MOK: variants seen among roughly 807,000 people sequenced by gnomAD.
The protein encoded by MOK is MAPK/MAK/MRK overlapping kinase.
Under a neutral mutation model 54.2 loss-of-function variants are expected in MOK, and 59 were observed. The observed-to-expected ratio is 1.09, with a 90% CI of 0.88 to 1.35. MOK has a LOEUF of 1.35. Ranked by LOEUF, MOK falls within the 40% of genes most tolerant of loss-of-function variation. The pLI, the probability that MOK is intolerant of heterozygous loss-of-function variation, is 0.00. For synonymous variants in MOK, 210 were observed against 202.7 expected (o/e 1.04, Z -0.31); for missense variants, 517 against 526.2 (o/e 0.98, Z 0.17).
chr14:102,237,753 T>A (rs1315148098), intron 7 of MOK, among the ~76,000 whole-genome samples: 1 of 152,232 alleles, frequency 6.6e-6, no homozygotes, highest in East Asian at 1.9e-4. Flanking sequence ...CCTTTGCCCC[T>A]GTAGCCTACC....
At chr14:102,294,011 G>A (rs757270486) in intron 1 of MOK, among the ~76,000 whole-genome samples, 24 of 151,612 alleles carry the variant, frequency 1.6e-4, no homozygotes, top group East Asian at 6.0e-4. Context: ...TAAAGATCAC[G>A]GGAAGGGGCC....
chr14:102,297,808 A>G (rs2071614606), intron 1 of MOK, among the ~76,000 whole-genome samples: 1 of 152,156 alleles, frequency 6.6e-6, no homozygotes, highest in Non-Finnish European at 1.5e-5. Context: ...GGCCCCGGGC[A>G]GTGACGGGTT....
chr14:102,253,367 G>A (rs1208246942), intron 4 of MOK, among the ~76,000 whole-genome samples: 4 of 152,212 alleles, frequency 2.6e-5, no homozygotes, highest in Non-Finnish European at 5.9e-5. Flanking sequence ...CAAGTAGCAT[G>A]GTCTGACAGC....
chr14:102,218,122 T>TA, the MOK span, among the ~76,000 whole-genome samples: 53 of 152,348 alleles, frequency 3.5e-4, no homozygotes, highest in African/African-American at 1.2e-3. Flanking sequence ...AGAGAAGCGC[T>TA]AGTCTGCCCG....
chr14:102,275,550 C>A (rs1243355625), intron 2 of MOK, among the ~76,000 whole-genome samples: 3 of 127,592 alleles, frequency 2.4e-5, no homozygotes, highest in Admixed American at 1.8e-4. Flanking sequence ...GGTGACAGAG[C>A]GAGACTCCAT....
chr14:102,264,774 A>C (rs1171097082), intron 3 of MOK: 1 of 152,202 alleles, frequency 6.6e-6, no homozygotes, highest in Non-Finnish European at 1.5e-5. Flanking sequence ...AATCTACCAG[A>C]CTTTAACTGG....
rs574884787 is a variant in MOK, at chr14:102,251,928, A to G, written c.351T>C (p.Asp117=). Residue 117 remains aspartate, a synonymous_variant, in exon 5 of 12, where the codon GAT becomes GAC. Transcript: ENST00000361847. ...CTCCGAGAGCATACCTGTGAATATG[A>G]TCCAGGGACTTACATAACTGGTACA... is the stretch of plus-strand genomic sequence containing the variant. The part of the protein sequence containing the change: ...HYMYQLCKSL[D]HIHRNGIFHR... 2.5e-5 allele frequency: 40 copies of G among 1,603,516 alleles called. No homozygotes were observed. The highest frequency in any genetic ancestry group is 3.3e-5 in the Non-Finnish European group (39 of 1,171,382).
At chr14:102,291,726 G>A (rs891606040) in intron 1 of MOK, among the ~76,000 whole-genome samples, 8 of 152,086 alleles carry the variant, frequency 5.3e-5, no homozygotes, top group Non-Finnish European at 8.8e-5. Flanking sequence ...GGAGGCCAAG[G>A]TGGGCAGATC....
chr14:102,215,946 C>T, the MOK span, among the ~76,000 whole-genome samples: 1 of 152,204 alleles, frequency 6.6e-6, no homozygotes, highest in Non-Finnish European at 1.5e-5. Flanking sequence ...TGAGTGAGGG[C>T]GAGCTGGCCT....
chr14:102,226,134 C>T, downstream of MOK: 2 of 590,312 alleles, frequency 3.4e-6, no homozygotes, highest in South Asian at 4.0e-5. This position sits in a 1 kb window ranked among gnomAD's most constrained non-coding sequence, Gnocchi z 4.8. Flanking sequence ...CGTCTGAGTG[C>T]CAGATGGAAA....
chr14:102,289,445 G>A (rs1237552528), intron 1 of MOK, among the ~76,000 whole-genome samples: 1 of 151,978 alleles, frequency 6.6e-6, no homozygotes, highest in African/African-American at 2.4e-5. Flanking sequence ...GTTCCTAAGA[G>A]GGCCAATTCC....
At chr14:102,241,145 C>T (rs1479461467) in intron 7 of MOK, among the ~76,000 whole-genome samples, 1 of 152,190 alleles carries the variant, frequency 6.6e-6, no homozygotes, top group Non-Finnish European at 1.5e-5. Flanking sequence ...CTAGTCTCTG[C>T]TCCCAATGCA....
intron 7 of MOK, 160 bp from the exon 8 acceptor site, chr14:102,233,949 C>T (rs1005182448): frequency 4.0e-5 from 24 of 599,572 alleles, no homozygotes; most frequent in Middle Eastern, 4.1e-4. Flanking sequence ...TAGCTGCTAC[C>T]GTAAACATCA....
chr14:102,267,854 G>A (rs965691521), intron 2 of MOK, among the ~76,000 whole-genome samples: 1 of 152,022 alleles, frequency 6.6e-6, no homozygotes, highest in Non-Finnish European at 1.5e-5. Flanking sequence ...CCAGAACTAG[G>A]GAGTGCTGAA....
intron 1 of MOK, among the ~76,000 whole-genome samples, chr14:102,286,663 G>A (rs2070141290): frequency 6.6e-6 from 1 of 152,062 alleles, no homozygotes; most frequent in African/African-American, 2.4e-5. Context: ...ATTAATGATT[G>A]CACCATTAAT....
At position 102,250,774 on chromosome 14, in the gene MOK, C is replaced by T. The variant is rs190264573; in HGVS notation, c.590+38G>A. On this transcript the variant is annotated intron_variant, in intron 7 of 11. Transcript: ENST00000361847. ...CACGAGCCTGGCTGCTGCACCGCTC[C>T]GCCGCAGGAACCAGGCAGGAGCCTG... 79 of 1,597,924 alleles carry T rather than the reference C, an allele frequency of 4.9e-5. No homozygotes were observed. The African/African-American group carries it at 8.3e-4, about 17-fold the overall frequency.
rs2064952869 is a variant in MOK at position 102,233,687 on chromosome 14, C to G, written c.692+1G>C. 2 of 1,610,444 alleles carry G rather than the reference C, an allele frequency of 1.2e-6. No homozygotes were observed. Among genetic ancestry groups the G allele is most frequent in the South Asian group, 2.2e-5 (2 of 91,016 alleles). ...ATCCACTCTCAGAACACAATACTTACTGTTTGAACTTGGTGAGGATCTTCT... is the reference window on the plus strand; with the variant it reads ...ATCCACTCTCAGAACACAATACTTAGTGTTTGAACTTGGTGAGGATCTTCT... On this transcript the variant is annotated splice_donor_variant, in intron 8 of 11. Coordinates refer to ENST00000361847, the MANE Select transcript of MOK (RefSeq NM_014226.3). LOFTEE classifies it high-confidence loss of function.
intron 1 of MOK, among the ~76,000 whole-genome samples, chr14:102,294,550 G>T (rs2071226013): frequency 1.3e-5 from 2 of 152,036 alleles, no homozygotes; most frequent in African/African-American, 4.8e-5. Flanking sequence ...GGGAAGTCAA[G>T]GCTGCAGTGA....
chr14:102,226,579 C>A (rs1397843698), downstream of MOK, among the ~76,000 whole-genome samples: 3 of 152,196 alleles, frequency 2.0e-5, no homozygotes, highest in Admixed American at 2.0e-4. This position sits in a 1 kb window ranked among gnomAD's most constrained non-coding sequence, Gnocchi z 4.8. Flanking sequence ...CCTCTGCCCT[C>A]AGCCCTGGCC....
Sources: gnomAD v4.1 joint callset for allele counts (sites outside exome capture counted in the v4.1 genomes callset) on GRCh38, gnomAD v4.1.1 for gene constraint, Gnocchi (gnomAD v3.1) non-coding constraint, MANE v1.5 for transcripts, NCBI Gene and HGNC (gene_info 2026-07-23, HGNC 2026-07-21) for gene names.